The following PCDH9 variants were observed in gnomAD, a reference collection of about 807,000 sequenced individuals.
PCDH9 encodes the protein protocadherin 9, also known as protocadherin-9.
A neutral mutation model predicts 70.6 loss-of-function variants in PCDH9; 24 were observed. The observed-to-expected ratio is 0.34, with a 90% CI of 0.25 to 0.48. The LOEUF is 0.48. PCDH9 is among the 20% of genes least tolerant of loss of function. The probability of loss-of-function intolerance (pLI) is 0.99; values close to 1 mark genes in which losing one functional copy is unlikely to be tolerated. For missense variants in PCDH9, 1,281 were observed against 1,503.6 expected, an observed-to-expected ratio of 0.85 and a Z score of 2.45; for synonymous variants, 562 against 558.5, an observed-to-expected ratio of 1.01 and a Z score of -0.09.
At chr13:66,876,233 C>G (rs2081805421) in intron 3 of PCDH9, among the ~76,000 whole-genome samples, 1 of 151,926 alleles carries the variant, frequency 6.6e-6, no homozygotes, top group Non-Finnish European at 1.5e-5. Flanking sequence ...TAATATTCAT[C>G]AAGAATCAGA....
chr13:67,061,349 A>C (rs2085535116), intron 2 of PCDH9, among the ~76,000 whole-genome samples: 1 of 151,542 alleles, frequency 6.6e-6, no homozygotes, highest in South Asian at 2.1e-4. Context: ...GAAAGTAAGA[A>C]CAATGTTTCA....
chr13:66,615,879 G>GAAACTA (rs1191991089), intron 4 of PCDH9, among the ~76,000 whole-genome samples: 1 of 152,180 alleles, frequency 6.6e-6, no homozygotes, highest in Non-Finnish European at 1.5e-5. Flanking sequence ...CTAAAATTTG[G>GAAACTA]AAACTATCTG....
intron 3 of PCDH9, among the ~76,000 whole-genome samples, chr13:66,900,177 T>C (rs907776149): frequency 2.0e-5 from 3 of 151,906 alleles, no homozygotes; most frequent in Non-Finnish European, 4.4e-5. Flanking sequence ...ATCTTTGCAG[T>C]TTCTGAAGCC....
At chr13:67,156,343 C>T (rs2087812528) in intron 2 of PCDH9, among the ~76,000 whole-genome samples, 1 of 152,094 alleles carries the variant, frequency 6.6e-6, no homozygotes, top group Non-Finnish European at 1.5e-5. Flanking sequence ...TAGGAACACA[C>T]AGGCCGTTGA....
Position 67,017,564 on chromosome 13 carries a change from T to C in PCDH9, c.3037-113959A>G, listed in dbSNP as rs546583439. ...CCCAGGTTTACTGGGTAGATGGTTC[T>C]ATTTTTAAATTTTTGTCTCAAACAT... On this transcript the variant is annotated intron_variant, in intron 2 of 4. Coordinates refer to ENST00000377865, the MANE Select transcript of PCDH9 (RefSeq NM_203487.3). Among the ~76,000 whole-genome samples, 12 of 152,364 alleles carry C rather than the reference T, an allele frequency of 7.9e-5. 1 individual carries two copies. In the East Asian group the frequency reaches 2.3e-3, roughly 29 times the overall value.
chr13:66,522,251 C>T (rs973747095), intron 4 of PCDH9, among the ~76,000 whole-genome samples: 2 of 151,620 alleles, frequency 1.3e-5, no homozygotes, highest in East Asian at 1.9e-4. Context: ...AATCTTGTAT[C>T]TTAAAATAAT....
At chr13:66,821,876 T>C (rs908949112) in intron 3 of PCDH9, among the ~76,000 whole-genome samples, 8 of 152,210 alleles carry the variant, frequency 5.3e-5, no homozygotes, top group Non-Finnish European at 8.8e-5. Context: ...ATCCTGCACA[T>C]TCATTTTCAC....
chr13:66,734,868 G>T (rs563028836), intron 3 of PCDH9, among the ~76,000 whole-genome samples: 1 of 152,202 alleles, frequency 6.6e-6, no homozygotes, highest in East Asian at 1.9e-4. Context: ...AAATTCAAAA[G>T]CAACTCCATT....
intron 2 of PCDH9, among the ~76,000 whole-genome samples, chr13:66,911,780 A>C (rs182762102): frequency 2.6e-5 from 4 of 152,298 alleles, no homozygotes; most frequent in Admixed American, 2.6e-4. Flanking sequence ...TGCACATTGC[A>C]ACTTAATTCT....
intron 2 of PCDH9, among the ~76,000 whole-genome samples, chr13:66,918,120 T>C (rs1388368598): frequency 6.6e-6 from 1 of 151,206 alleles, no homozygotes; most frequent in Non-Finnish European, 1.5e-5. Flanking sequence ...GGCTAGAGTA[T>C]AACAGAATCC....
intron 3 of PCDH9, among the ~76,000 whole-genome samples, chr13:66,816,223 T>C (rs1033194954): frequency 6.6e-6 from 1 of 152,166 alleles, no homozygotes; most frequent in African/African-American, 2.4e-5. Flanking sequence ...TCCAAATACA[T>C]ATAAATGTTA....
intron 4 of PCDH9, among the ~76,000 whole-genome samples, chr13:66,600,390 T>C (rs1262950865): frequency 6.6e-6 from 1 of 151,888 alleles, no homozygotes; most frequent in Non-Finnish European, 1.5e-5. Context: ...ATATTTTTTC[T>C]AGAAAACAAA....
At chr13:67,102,492 T>C (rs2086454350) in intron 2 of PCDH9, among the ~76,000 whole-genome samples, 1 of 151,894 alleles carries the variant, frequency 6.6e-6, no homozygotes, top group African/African-American at 2.4e-5. Context: ...ATAACAAAAG[T>C]CAAAAGGTGC....
chr13:66,803,897 C>G (rs1435447403), intron 3 of PCDH9, among the ~76,000 whole-genome samples: 1 of 152,142 alleles, frequency 6.6e-6, no homozygotes, highest in Non-Finnish European at 1.5e-5. Context: ...CTGACTGAGA[C>G]AGACATGCTG....
intron 3 of PCDH9, among the ~76,000 whole-genome samples, chr13:66,833,925 A>C (rs1457073293): frequency 6.6e-6 from 1 of 152,214 alleles, no homozygotes; most frequent in Admixed American, 6.5e-5. Context: ...TGCTGGTTGA[A>C]TAGCTGATAA....
At chr13:66,420,135 T>C (rs142392797) in intron 4 of PCDH9, among the ~76,000 whole-genome samples, 1,736 of 152,250 alleles carry the variant, frequency 0.011, 20 homozygotes, top group Middle Eastern at 0.024. Flanking sequence ...TCCTCCTCTC[T>C]GGCCAGGGCA....
intron 4 of PCDH9, among the ~76,000 whole-genome samples, chr13:66,487,682 G>A (rs1958966965): frequency 6.6e-6 from 1 of 152,048 alleles, no homozygotes; most frequent in Non-Finnish European, 1.5e-5. Context: ...TATGAAAAAT[G>A]AGCTACCACT....
intron 2 of PCDH9, among the ~76,000 whole-genome samples, chr13:67,094,106 T>G (rs935001596): frequency 1.3e-4 from 20 of 152,276 alleles, no homozygotes; most frequent in African/African-American, 4.8e-4. Context: ...TGGAGATGTA[T>G]TATATAAATA....
chr13:66,422,734 C>T (rs1235447897), intron 4 of PCDH9, among the ~76,000 whole-genome samples: 1 of 151,972 alleles, frequency 6.6e-6, no homozygotes, highest in Non-Finnish European at 1.5e-5. Context: ...CCTAACATCA[C>T]AACTAAAAGA....
Sources: gnomAD v4.1 joint callset for allele counts (sites outside exome capture counted in the v4.1 genomes callset) on GRCh38, gnomAD v4.1.1 for gene constraint, MANE v1.5 for transcripts, NCBI Gene and HGNC (gene_info 2026-07-23, HGNC 2026-07-21) for gene names.